ERC1: variants seen among roughly 807,000 people sequenced by gnomAD.
ERC1 encodes ELKS/RAB6-interacting/CAST family member 1, also known as RAB6 interacting protein 2.
A neutral mutation model predicts 132.0 loss-of-function variants in ERC1; 56 were observed. The observed-to-expected ratio is 0.42, with a 90% CI of 0.34 to 0.53. The LOEUF is 0.53. Among genes scored for constraint, ERC1 ranks in the 20% least tolerant of loss-of-function variants. The pLI is 0.03. For missense variants in ERC1, 1,202 were observed against 1,349.9 expected (o/e 0.89, Z 1.72); for synonymous variants, 478 against 476.1 (o/e 1.00, Z -0.05).
chr12:1,010,818 G>T (rs765086867), intron 1 of ERC1, among the ~76,000 whole-genome samples: 2 of 152,034 alleles, frequency 1.3e-5, no homozygotes, highest in Non-Finnish European at 2.9e-5. Flanking sequence ...GATTTTTGAT[G>T]CTCTGCAAAT....
chr12:1,443,203 A>G (rs2093209306), intron 17 of ERC1: 1 of 151,994 alleles, frequency 6.6e-6, no homozygotes, highest in African/African-American at 2.4e-5. Context: ...CCGGCCAAAT[A>G]ATTACTTCTT....
chr12:1,314,962 A>C (rs184065372), intron 15 of ERC1, among the ~76,000 whole-genome samples: 1 of 152,316 alleles, frequency 6.6e-6, no homozygotes, highest in Non-Finnish European at 1.5e-5. Flanking sequence ...TTCCAAATGA[A>C]ACTTGCCAAA....
At chr12:1,280,112 A>C (rs1313190266) in intron 14 of ERC1, among the ~76,000 whole-genome samples, 1 of 152,108 alleles carries the variant, frequency 6.6e-6, no homozygotes, top group Non-Finnish European at 1.5e-5. Flanking sequence ...GCTTGTAATG[A>C]GTTCTTGGGG....
chr12:1,109,058 G>T (rs2154201585), intron 4 of ERC1, among the ~76,000 whole-genome samples: 1 of 142,458 alleles, frequency 7.0e-6, no homozygotes, highest in East Asian at 1.9e-4. Context: ...CTTAATTTAT[G>T]CTCTTTAAGG....
intron 2 of ERC1, among the ~76,000 whole-genome samples, chr12:1,037,811 G>A (rs1304416737): frequency 2.0e-5 from 3 of 151,990 alleles, no homozygotes; most frequent in South Asian, 2.1e-4. Flanking sequence ...TTGGGAGGCC[G>A]AGGCGGGCAG....
At chr12:1,254,078 A>G (rs977670909) in intron 13 of ERC1, among the ~76,000 whole-genome samples, 2 of 152,204 alleles carry the variant, frequency 1.3e-5, no homozygotes, top group Non-Finnish European at 2.9e-5. Flanking sequence ...ACATAATCCA[A>G]TGGTAGGAAA....
chr12:1,256,703 G>A (rs2154319260), intron 13 of ERC1, among the ~76,000 whole-genome samples: 1 of 150,812 alleles, frequency 6.6e-6, no homozygotes, highest in South Asian at 2.1e-4. Context: ...CTGACATAAT[G>A]CATATCTTGC....
At chr12:1,053,603 T>C (rs1972421447) in intron 2 of ERC1, among the ~76,000 whole-genome samples, 7 of 152,228 alleles carry the variant, frequency 4.6e-5, no homozygotes, top group Admixed American at 4.6e-4. Flanking sequence ...TATTTATTTT[T>C]CATGAAATTA....
At chr12:1,318,693 TCAGA>T (rs1343789974) in intron 15 of ERC1, among the ~76,000 whole-genome samples, 8 of 152,164 alleles carry the variant, frequency 5.3e-5, no homozygotes, top group Non-Finnish European at 1.0e-4. Context: ...CATTAAGGTG[TCAGA>T]CAGAAAAGTG....
chr12:1,398,263 C>T (rs1002853537), intron 16 of ERC1, among the ~76,000 whole-genome samples: 4 of 152,070 alleles, frequency 2.6e-5, no homozygotes, highest in Admixed American at 6.6e-5. Flanking sequence ...GAATTGTAGA[C>T]GTGAGCCACC....
chr12:1,184,859 C>G (rs540914299), intron 11 of ERC1, among the ~76,000 whole-genome samples: 1 of 152,008 alleles, frequency 6.6e-6, no homozygotes, highest in Non-Finnish European at 1.5e-5. Flanking sequence ...TATAAGTGAT[C>G]TTCCTGCCTC....
At chr12:1,219,704 C>T (rs1283513427) in intron 12 of ERC1, among the ~76,000 whole-genome samples, 1 of 148,998 alleles carries the variant, frequency 6.7e-6, no homozygotes, top group African/African-American at 2.5e-5. Flanking sequence ...GGCGTAATCT[C>T]GGCTCACTGC....
intron 13 of ERC1, among the ~76,000 whole-genome samples, chr12:1,240,840 A>G (rs2075742597): frequency 1.3e-5 from 2 of 152,118 alleles, no homozygotes; most frequent in African/African-American, 4.8e-5. Context: ...TAATATATAT[A>G]CACTCTTCCG....
chr12:1,479,773 G>A (rs1403004432), intron 18 of ERC1, among the ~76,000 whole-genome samples: 1 of 152,170 alleles, frequency 6.6e-6, no homozygotes, highest in East Asian at 1.9e-4. Context: ...GTGCTCCTGA[G>A]GCGTGTGGAA....
intron 7 of ERC1, among the ~76,000 whole-genome samples, chr12:1,124,156 T>G (rs953771842): frequency 2.6e-5 from 4 of 152,224 alleles, no homozygotes; most frequent in African/African-American, 9.6e-5. Flanking sequence ...ATATAGAATT[T>G]TGTCCTAACA....
chr12:1,461,113 G>A (rs2093637178), intron 18 of ERC1, among the ~76,000 whole-genome samples: 1 of 151,916 alleles, frequency 6.6e-6, no homozygotes, highest in Admixed American at 6.6e-5. Context: ...AAAGAATGTT[G>A]TAGAATTTCC....
chr12:1,065,286 C>T (rs1938889417), intron 2 of ERC1, among the ~76,000 whole-genome samples: 1 of 152,192 alleles, frequency 6.6e-6, no homozygotes, highest in South Asian at 2.1e-4. Flanking sequence ...CAGGTGTGAG[C>T]CACCGCGCCC....
At chr12:1,213,603 G>A (rs1170310300) in intron 12 of ERC1, among the ~76,000 whole-genome samples, 1 of 151,942 alleles carries the variant, frequency 6.6e-6, no homozygotes, top group Non-Finnish European at 1.5e-5. Context: ...TGGTTGTGGT[G>A]GTGGGCACCT....
At chr12:1,274,480 T>TTTTATTTATTTATTTATTTATTTATTTA (rs368234236) in intron 14 of ERC1, among the ~76,000 whole-genome samples, 1 of 150,136 alleles carries the variant, frequency 6.7e-6, no homozygotes, top group African/African-American at 2.5e-5. Context: ...TTTTATTTTA[T>TTTTATTTATTTATTTATTTATTTATTTA]TTTATTTATT....
Sources: allele counts gnomAD v4.1 joint callset (sites outside exome capture counted in the v4.1 genomes callset), GRCh38; gene constraint gnomAD v4.1.1; transcripts MANE v1.5; gene names NCBI Gene and HGNC (gene_info 2026-07-23, HGNC 2026-07-21).